KRTAP9-1: variants seen among roughly 807,000 people sequenced by gnomAD.
The protein encoded by KRTAP9-1 is keratin-associated protein 9-1.
Under a neutral mutation model 18.4 loss-of-function variants are expected in KRTAP9-1, and 13 were observed. The ratio of observed to expected loss-of-function variants is 0.71; its 90% CI spans 0.46 to 1.12. The LOEUF (loss-of-function observed/expected upper bound fraction) is 1.12, where lower values mean the gene tolerates loss of function less well. Among genes scored for constraint, KRTAP9-1 ranks in the 50% most tolerant of loss-of-function variants. The pLI, the probability that KRTAP9-1 is intolerant of heterozygous loss-of-function variation, is 0.00. For synonymous variants in KRTAP9-1, 122 were observed against 108.8 expected, an observed-to-expected ratio of 1.12 and a Z score of -0.75; for missense variants, 310 against 310.6, an observed-to-expected ratio of 1.00 and a Z score of 0.01.
Position 41,189,942 on chromosome 17 carries a change from G to A in KRTAP9-1, c.56G>A (p.Cys19Tyr), listed in dbSNP as rs1249610664. Residue 19 changes from cysteine (C) to tyrosine (Y), a missense_variant, in exon 1 of 1, where the codon TGC (cysteine) becomes TAC (tyrosine). Transcript: ENST00000398470. ...CCTACATGCTGCAGGACCACCTGCT[G>A]CAGGACAACCTGCTGGAAGCCCACC... is the stretch of plus-strand genomic sequence containing the variant. The part of the protein sequence containing the change: ...CQPTCCRTTC[C>Y]RTTCWKPTTV... The A allele has an allele frequency of 5.0e-6, 8 of 1,612,718 alleles. No homozygotes were observed. The highest frequency in any genetic ancestry group is 6.8e-6 in the Non-Finnish European group (8 of 1,179,950).
In KRTAP9-1 at chr17:41,190,247, C is replaced by A; in HGVS notation, c.361C>A (p.Pro121Thr). ...GSSCCQPCCH[P>T]TCYQTICFRT... ...CAGTTGCTGTCAGCCTTGCTGTCAC[C>A]CGACTTGCTATCAAACTATCTGCTT... Residue 121 changes from proline (P) to threonine (T), a missense_variant, in exon 1 of 1, where the codon CCG becomes ACG. By Grantham distance (38) the Pro-to-Thr change is conservative. Transcript: ENST00000398470. The A allele has an allele frequency of 2.4e-6, 3 of 1,235,682 alleles. No homozygotes were observed. Among genetic ancestry groups the A allele is most frequent in the Non-Finnish European group, 3.1e-6 (3 of 962,678 alleles). 76.5% of individuals were successfully genotyped at this position (1,235,682 alleles called of 1,614,324 possible). A position where few individuals can be genotyped will look rare whatever the true frequency, so the allele number is the denominator to read the frequency against.
chr17:41,190,019 C>G lies in KRTAP9-1; in HGVS notation c.133C>G (p.Pro45Ala), dbSNP rs1476355219. ...TPCCQPSCCVPSCCQPCCHPT... is the reference protein window; with the variant it reads ...TPCCQPSCCVASCCQPCCHPT... The stretch of plus-strand genomic sequence containing the variant: ...CTGTTGCCAGCCCTCCTGCTGTGTG[C>G]CCAGCTGCTGCCAGCCTTGCTGCCA... The change falls in exon 1 of 1, where the codon CCC becomes GCC. Residue 45 changes from proline (P) to alanine (A), a missense_variant. Transcript: ENST00000398470. 35 of 1,613,072 alleles carry G rather than the reference C, an allele frequency of 2.2e-5. No homozygotes were observed. Among genetic ancestry groups the G allele is most frequent in the Non-Finnish European group, 3.0e-5 (35 of 1,179,806 alleles).
In KRTAP9-1 at chr17:41,190,459, C is replaced by T; in HGVS notation, c.573C>T (p.Cys191=). The T allele has an allele frequency of 1.2e-6, 2 of 1,600,922 alleles. No individual in the cohort carries two copies. Among genetic ancestry groups the T allele is most frequent in the Non-Finnish European group, 8.5e-7 (1 of 1,174,116 alleles). Residue 191 remains cysteine (C), a synonymous_variant, in exon 1 of 1, where the codon TGC becomes TGT. Coordinates refer to ENST00000398470, the MANE Select transcript of KRTAP9-1 (RefSeq NM_001190460.1). Reference sequence around the variant, plus strand: ...CCAGATGCTGCAGCACACCCTGTTGCCAGCCAACCTGTGGTGGGTCCAGCT... The same window carrying T: ...CCAGATGCTGCAGCACACCCTGTTGTCAGCCAACCTGTGGTGGGTCCAGCT... ...CVTRCCSTPC[C]QPTCGGSSCC... is the part of the protein sequence containing the mutation.
chr17:41,190,376 C>T lies in KRTAP9-1; in HGVS notation c.490C>T (p.His164Tyr). Residue 164 changes from histidine to tyrosine, a missense_variant, in exon 1 of 1, where the codon CAC becomes TAC. By Grantham distance (83) the His-to-Tyr change is moderately conservative (BLOSUM62 2). This residue lies in a region of KRTAP9-1 where 2 missense variants were observed against 16.9 expected (regional missense o/e 0.12). Transcript: ENST00000398470. ...GTCCAGCTGCTGCCAGCCTTGCTGC[C>T]ACCCAACATGCTGTCAAACCATTTG... is the stretch of plus-strand genomic sequence containing the variant. ...CGSSCCQPCC[H>Y]PTCCQTICRS... The T allele has an allele frequency of 2.1e-6, 1 of 473,910 alleles. No homozygotes were observed. Among genetic ancestry groups the T allele is most frequent in the African/African-American group, 7.9e-5 (1 of 12,586 alleles). 29.4% of individuals were successfully genotyped at this position (473,910 alleles called of 1,614,324 possible).
Position 41,190,485 on chromosome 17 carries a change from G to T in KRTAP9-1, c.599G>T (p.Cys200Phe), listed in dbSNP as rs1369391492. The part of the protein sequence containing the change: ...CCQPTCGGSS[C>F]CSQTCNESSY... The stretch of plus-strand genomic sequence containing the variant: ...CAGCCAACCTGTGGTGGGTCCAGCT[G>T]CTGTAGCCAAACCTGCAATGAGTCC... The change falls in exon 1 of 1, where the codon TGC becomes TTC. Residue 200 changes from cysteine to phenylalanine, a missense_variant. Cys to Phe is a radical substitution (Grantham distance 205). Transcript: ENST00000398470. 1.2e-6 allele frequency: 2 copies of T among 1,603,202 alleles called. No individual in the cohort carries two copies. The highest frequency in any genetic ancestry group is 1.7e-6 in the Non-Finnish European group (2 of 1,174,580).
At position 41,190,043 on chromosome 17, in the gene KRTAP9-1, C is replaced by T. The variant is rs1402262536; in HGVS notation, c.157C>T (p.His53Tyr). 1 of 1,611,848 alleles carries T rather than the reference C, an allele frequency of 6.2e-7. No individual in the cohort carries two copies. Among genetic ancestry groups the T allele is most frequent in the Admixed American group, 1.7e-5 (1 of 59,852 alleles). The change falls in exon 1 of 1, where the codon CAC (histidine) becomes TAC (tyrosine). Residue 53 changes from histidine (H) to tyrosine (Y), a missense_variant. His to Tyr is a moderately conservative substitution (Grantham distance 83). Transcript: ENST00000398470. ...CVPSCCQPCC[H>Y]PTCCQNTCCR... Reference sequence around the variant, plus strand: ...GCCCAGCTGCTGCCAGCCTTGCTGCCACCCAACTTGCTGTCAAAACACCTG... The same window carrying T: ...GCCCAGCTGCTGCCAGCCTTGCTGCTACCCAACTTGCTGTCAAAACACCTG...
Position 41,189,942 on chromosome 17 carries a change from G to T in KRTAP9-1, c.56G>T (p.Cys19Phe), listed in dbSNP as rs1249610664. The change falls in exon 1 of 1, where the codon TGC becomes TTC. Residue 19 changes from cysteine to phenylalanine, a missense_variant. Cys to Phe is a radical substitution (Grantham distance 205, BLOSUM62 -2). Transcript: ENST00000398470. The part of the protein sequence containing the change: ...CQPTCCRTTC[C>F]RTTCWKPTTV... ...CCTACATGCTGCAGGACCACCTGCT[G>T]CAGGACAACCTGCTGGAAGCCCACC... is the stretch of plus-strand genomic sequence containing the variant. 1 of 1,612,600 alleles carries T rather than the reference G, an allele frequency of 6.2e-7. No homozygotes were observed. Among genetic ancestry groups the T allele is most frequent in the Non-Finnish European group, 8.5e-7 (1 of 1,179,958 alleles).
In KRTAP9-1 at chr17:41,190,103, G is replaced by A. The variant is rs545367171; in HGVS notation, c.217G>A (p.Ala73Thr). The A allele has an allele frequency of 4.9e-5, 79 of 1,599,042 alleles. No homozygotes were observed. In the African/African-American group the frequency reaches 8.3e-4, roughly 17 times the overall value. Residue 73 changes from alanine (A) to threonine (T), a missense_variant, in exon 1 of 1, where the codon GCC becomes ACC. Physicochemically the swap from Ala to Thr is moderately conservative, Grantham distance 58 (BLOSUM62 0). Transcript: ENST00000398470. ...CACCTGCTGCCAGCCCACTTGTGTGGCCAGCTGCTGCCAGCCTTCCTGCTG... is the reference window on the plus strand; with the variant it reads ...CACCTGCTGCCAGCCCACTTGTGTGACCAGCTGCTGCCAGCCTTCCTGCTG... The part of the protein sequence containing the change: ...RTTCCQPTCV[A>T]SCCQPSCCST...
In KRTAP9-1 at chr17:41,190,562, A is replaced by G; in HGVS notation, c.676A>G (p.Arg226Gly). 1 of 1,610,120 alleles carries G rather than the reference A, an allele frequency of 6.2e-7. No individual in the cohort carries two copies. The highest frequency in any genetic ancestry group is 8.5e-7 in the Non-Finnish European group (1 of 1,178,358). ...CACCTGCTGCCAGACCACCTGCTAC[A>G]GGACCACCTGTTGCCGCCCCAGCTG... ...RPTCCQTTCY[R>G]TTCCRPSCCC... Residue 226 changes from arginine (R) to glycine (G), a missense_variant, in exon 1 of 1, where the codon AGG (arginine) becomes GGG (glycine). Arg to Gly is a moderately radical substitution (Grantham distance 125). Coordinates refer to ENST00000398470, the MANE Select transcript of KRTAP9-1 (RefSeq NM_001190460.1).
rs753176037 is a variant in KRTAP9-1 at position 41,190,190 on chromosome 17, G to A, written c.304G>A (p.Gly102Arg). The A allele has an allele frequency of 6.6e-7, 1 of 1,524,556 alleles. No individual in the cohort carries two copies. The highest frequency in any genetic ancestry group is 1.3e-5 in the South Asian group (1 of 74,824). The allele number at this position is 1,524,556 out of a possible 1,614,324, so 94.4% of individuals were successfully genotyped here. The change falls in exon 1 of 1, where the codon GGG becomes AGG. Residue 102 changes from glycine to arginine, a missense_variant. Coordinates refer to ENST00000398470, the MANE Select transcript of KRTAP9-1 (RefSeq NM_001190460.1). ...GSSCCGQTSC[G>R]SSCCQPICGS... ...CAGCTGCTGTGGCCAAACCAGCTGTGGGTCCAGCTGCTGTCAGCCTATTTG... is the reference window on the plus strand; with the variant it reads ...CAGCTGCTGTGGCCAAACCAGCTGTAGGTCCAGCTGCTGTCAGCCTATTTG...
rs764936219 is a variant in KRTAP9-1, at chr17:41,190,587, G to C, written c.701G>C (p.Cys234Ser). The C allele has an allele frequency of 1.2e-6, 2 of 1,608,088 alleles. No individual in the cohort carries two copies. Among genetic ancestry groups the C allele is most frequent in the South Asian group, 1.1e-5 (1 of 90,360 alleles). ...CYRTTCCRPSCCCSPCCVSSC... is the reference protein window; with the variant it reads ...CYRTTCCRPSSCCSPCCVSSC... ...AGGACCACCTGTTGCCGCCCCAGCTGTTGCTGCAGTCCTTGCTGTGTCTCC... is the reference window on the plus strand; with the variant it reads ...AGGACCACCTGTTGCCGCCCCAGCTCTTGCTGCAGTCCTTGCTGTGTCTCC... Residue 234 changes from cysteine to serine, a missense_variant, in exon 1 of 1, where the codon TGT becomes TCT. This residue lies in a region of KRTAP9-1 where 130 missense variants were observed against 103.4 expected (regional missense o/e 1.26). Transcript: ENST00000398470.
chr17:41,190,348 T>TGGGTCCAGCTGCTGCCAGCCTAGCTGC lies in KRTAP9-1; in HGVS notation c.483_484insAGCTGCGGGTCCAGCTGCTGCCAGCCT (p.Pro161_Cys162insSerCysGlySerSerCysCysGlnPro). 1.3e-6 allele frequency: 2 copies of TGGGTCCAGCTGCTGCCAGCCTAGCTGC among 1,568,934 alleles called. No individual in the cohort carries two copies. Among genetic ancestry groups the TGGGTCCAGCTGCTGCCAGCCTAGCTGC allele is most frequent in the Non-Finnish European group, 1.7e-6 (2 of 1,153,646 alleles). On this transcript the variant is annotated inframe_insertion, in exon 1 of 1. Transcript: ENST00000398470. ...ACACCTCTTGCCAGCCCACCTGCTG[T>TGGGTCCAGCTGCTGCCAGCCTAGCTGC]GGGTCCAGCTGCTGCCAGCCTTGCT... is the stretch of plus-strand genomic sequence containing the variant.
rs1555593705 is a variant in KRTAP9-1 at position 41,190,095 on chromosome 17, C to T, written c.209C>T (p.Thr70Ile). The T allele has an allele frequency of 1.2e-6, 2 of 1,604,700 alleles. No homozygotes were observed. The highest frequency in any genetic ancestry group is 2.2e-5 in the South Asian group (2 of 89,380). The change falls in exon 1 of 1, where the codon ACT (threonine) becomes ATT (isoleucine). Residue 70 changes from threonine (T) to isoleucine (I), a missense_variant. Coordinates refer to ENST00000398470, the MANE Select transcript of KRTAP9-1 (RefSeq NM_001190460.1). ...TCCRTTCCQP[T>I]CVASCCQPSC... ...TGCAGGACCACCTGCTGCCAGCCCACTTGTGTGGCCAGCTGCTGCCAGCCT... is the reference window on the plus strand; with the variant it reads ...TGCAGGACCACCTGCTGCCAGCCCATTTGTGTGGCCAGCTGCTGCCAGCCT...
rs777769430 is a variant in KRTAP9-1, at chr17:41,190,513, C to G, written c.627C>G (p.Ser209Arg). Residue 209 changes from serine (S) to arginine (R), a missense_variant, in exon 1 of 1, where the codon AGC becomes AGG. Physicochemically the swap from Ser to Arg is moderately radical, Grantham distance 110. Around this residue, in one of 3 missense-constraint regions of KRTAP9-1, gnomAD observed 130 missense variants for 103.4 expected, o/e 1.26. Transcript: ENST00000398470. Reference sequence around the variant, plus strand: ...GTAGCCAAACCTGCAATGAGTCCAGCTATTGTCTGCCTTGCTGCCGTCCCA... The same window carrying G: ...GTAGCCAAACCTGCAATGAGTCCAGGTATTGTCTGCCTTGCTGCCGTCCCA... ...SCCSQTCNES[S>R]YCLPCCRPTC... is the part of the protein sequence containing the mutation. 3.2e-5 allele frequency: 52 copies of G among 1,607,754 alleles called. No individual in the cohort carries two copies. Among genetic ancestry groups the G allele is most frequent in the Non-Finnish European group, 4.3e-5 (51 of 1,176,886 alleles).
chr17:41,189,892 C>A lies in KRTAP9-1; in HGVS notation c.6C>A (p.Thr2=), dbSNP rs757472050. M[T]HCCSPCCQPT... The stretch of plus-strand genomic sequence containing the variant: ...CACCCTTCACCCCTGACACCATGAC[C>A]CACTGCTGTTCCCCTTGCTGTCAGC... Residue 2 remains threonine (T), a synonymous_variant, in exon 1 of 1, where the codon ACC becomes ACA. Transcript: ENST00000398470. 6.2e-7 allele frequency: 1 copy of A among 1,611,626 alleles called. No individual in the cohort carries two copies. Among genetic ancestry groups the A allele is most frequent in the South Asian group, 1.1e-5 (1 of 90,978 alleles).
At position 41,189,929 on chromosome 17, in the gene KRTAP9-1, A is replaced by T; in HGVS notation, c.43A>T (p.Arg15Trp). The T allele has an allele frequency of 6.2e-7, 1 of 1,612,358 alleles. No homozygotes were observed. Among genetic ancestry groups the T allele is most frequent in the Non-Finnish European group, 8.5e-7 (1 of 1,179,854 alleles). The change falls in exon 1 of 1, where the codon AGG becomes TGG. Residue 15 changes from arginine to tryptophan, a missense_variant. This residue lies in a region of KRTAP9-1 where 178 missense variants were observed against 190.2 expected (regional missense o/e 0.94). Transcript: ENST00000398470. ...CCCTTGCTGTCAGCCTACATGCTGC[A>T]GGACCACCTGCTGCAGGACAACCTG... ...CSPCCQPTCC[R>W]TTCCRTTCWK...
chr17:41,190,543 C>T lies in KRTAP9-1; in HGVS notation c.657C>T (p.Cys219=). ...SYCLPCCRPT[C]CQTTCYRTTC... is the part of the protein sequence containing the mutation. ...GTCTGCCTTGCTGCCGTCCCACCTGCTGCCAGACCACCTGCTACAGGACCA... is the reference window on the plus strand; with the variant it reads ...GTCTGCCTTGCTGCCGTCCCACCTGTTGCCAGACCACCTGCTACAGGACCA... The change falls in exon 1 of 1, where the codon TGC becomes TGT. Residue 219 remains cysteine (C), a synonymous_variant. Coordinates refer to ENST00000398470, the MANE Select transcript of KRTAP9-1 (RefSeq NM_001190460.1). 1 of 1,611,290 alleles carries T rather than the reference C, an allele frequency of 6.2e-7. No homozygotes were observed. Among genetic ancestry groups the T allele is most frequent in the Non-Finnish European group, 8.5e-7 (1 of 1,178,662 alleles).
chr17:41,190,146 A>G lies in KRTAP9-1; in HGVS notation c.260A>G (p.Gln87Arg). ...TCCTGCTGCAGCACACCCTGCTGCC[A>G]GCCCACCTGCTGTGGGTCCAGCTGC... Reference protein sequence around the residue: ...QPSCCSTPCCQPTCCGSSCCG... With the variant: ...QPSCCSTPCCRPTCCGSSCCG... Residue 87 changes from glutamine to arginine, a missense_variant, in exon 1 of 1, where the codon CAG (glutamine) becomes CGG (arginine). This residue lies in a region of KRTAP9-1 where 178 missense variants were observed against 190.2 expected (regional missense o/e 0.94). Coordinates refer to ENST00000398470, the MANE Select transcript of KRTAP9-1 (RefSeq NM_001190460.1). 6.4e-7 allele frequency: 1 copy of G among 1,559,848 alleles called. No individual in the cohort carries two copies. The highest frequency in any genetic ancestry group is 8.7e-7 in the Non-Finnish European group (1 of 1,152,794).
Position 41,190,416 on chromosome 17 carries a change from G to T in KRTAP9-1, c.530G>T (p.Cys177Phe), listed in dbSNP as rs778208724. ...CCQTICRSTCCQPSCVTRCCS... is the reference protein window; with the variant it reads ...CCQTICRSTCFQPSCVTRCCS... ...CAAACCATTTGTAGATCCACCTGCTGCCAACCATCCTGTGTGACCAGATGC... is the reference window on the plus strand; with the variant it reads ...CAAACCATTTGTAGATCCACCTGCTTCCAACCATCCTGTGTGACCAGATGC... Residue 177 changes from cysteine (C) to phenylalanine (F), a missense_variant, in exon 1 of 1, where the codon TGC (cysteine) becomes TTC (phenylalanine). This residue lies in a region of KRTAP9-1 where 130 missense variants were observed against 103.4 expected (regional missense o/e 1.26). Transcript: ENST00000398470. 1.9e-6 allele frequency: 3 copies of T among 1,589,208 alleles called. No individual in the cohort carries two copies. Among genetic ancestry groups the T allele is most frequent in the Non-Finnish European group, 8.6e-7 (1 of 1,165,962 alleles).
Sources: allele counts gnomAD v4.1 joint callset, GRCh38; gene constraint gnomAD v4.1.1; regional missense constraint gnomAD v4.1.1; transcripts MANE v1.5; gene names NCBI Gene and HGNC (gene_info 2026-07-23, HGNC 2026-07-21).